RAB22A: variants seen among roughly 807,000 people sequenced by gnomAD.
RAB22A encodes the protein ras-related protein Rab-22A.
RAB22A carries 13 observed loss-of-function variants against 30.2 expected under a neutral mutation model. The observed-to-expected ratio is 0.43, with a 90% CI of 0.28 to 0.68. The LOEUF is 0.68. RAB22A is among the 30% of genes least tolerant of loss of function. The probability of loss-of-function intolerance (pLI) is 0.18; values close to 1 mark genes in which losing one functional copy is unlikely to be tolerated. For synonymous variants in RAB22A, 89 were observed against 87.2 expected (o/e 1.02, Z -0.11); for missense variants, 177 against 246.8 (o/e 0.72, Z 1.89).
At chr20:58,337,424 C>T (rs2122952512) in intron 2 of RAB22A, among the ~76,000 whole-genome samples, 1 of 152,322 alleles carries the variant, frequency 6.6e-6, no homozygotes, top group South Asian at 2.1e-4. Flanking sequence ...TCAATTTAAT[C>T]ACATCGGGCA....
chr20:58,342,804 G>A (rs1179960249), intron 2 of RAB22A, among the ~76,000 whole-genome samples: 2 of 152,122 alleles, frequency 1.3e-5, no homozygotes, highest in Non-Finnish European at 2.9e-5. Flanking sequence ...CTGCCCTCTG[G>A]GTGAGGGGGG....
chr20:58,353,937 TCATTC>T (rs1600742021), intron 5 of RAB22A, among the ~76,000 whole-genome samples: 1 of 152,220 alleles, frequency 6.6e-6, no homozygotes, highest in East Asian at 1.9e-4. Context: ...CCATCCCTAA[TCATTC>T]CATTAGCTAC....
intron 2 of RAB22A, among the ~76,000 whole-genome samples, chr20:58,316,813 C>G (rs1986349443): frequency 6.6e-6 from 1 of 152,154 alleles, no homozygotes; most frequent in South Asian, 2.1e-4. Context: ...CCTCCTCTTT[C>G]CATGGACCTT....
intron 2 of RAB22A, among the ~76,000 whole-genome samples, chr20:58,312,549 C>T (rs1487042405): frequency 5.0e-5 from 6 of 119,540 alleles, no homozygotes; most frequent in African/African-American, 2.0e-4. Context: ...AGTGCAGTGG[C>T]GCGATCTTGG....
intron 6 of RAB22A, 133 bp from the exon 7 acceptor site, chr20:58,359,473 C>T (rs991017262): frequency 4.2e-5 from 24 of 569,712 alleles, no homozygotes; most frequent in African/African-American, 5.8e-5. Context: ...TAAAATTATT[C>T]GAGTATAAAA....
chr20:58,318,087 C>T (rs1208558641), intron 2 of RAB22A, among the ~76,000 whole-genome samples: 3 of 152,056 alleles, frequency 2.0e-5, no homozygotes, highest in African/African-American at 4.8e-5. Context: ...AGGCTGGTCT[C>T]GAACTCTTCA....
chr20:58,359,633 A>G lies in RAB22A; in HGVS notation c.515A>G (p.Asn172Ser), dbSNP rs758004017. ...ISRRIPSTDA[N>S]LPSGGKGFKL... ...CGAAGAATTCCATCCACTGACGCCA[A>G]CCTGCCATCTGGCGGTAAGGGCTTC... The change falls in exon 7 of 7, where the codon AAC (asparagine) becomes AGC (serine). Residue 172 changes from asparagine to serine, a missense_variant. By Grantham distance (46) the Asn-to-Ser change is conservative (BLOSUM62 1). Transcript: ENST00000244040. 6.2e-7 allele frequency: 1 copy of G among 1,612,270 alleles called. No homozygotes were observed. The highest frequency in any genetic ancestry group is 8.5e-7 in the Non-Finnish European group (1 of 1,178,642).
chr20:58,319,356 T>C (rs1272576760), intron 2 of RAB22A, among the ~76,000 whole-genome samples: 1 of 152,194 alleles, frequency 6.6e-6, no homozygotes, highest in Non-Finnish European at 1.5e-5. Context: ...TTGGCACCTA[T>C]GAGTTTATAT....
chr20:58,321,477 T>C (rs1306367050), intron 2 of RAB22A, among the ~76,000 whole-genome samples: 1 of 152,228 alleles, frequency 6.6e-6, no homozygotes, highest in Non-Finnish European at 1.5e-5. Flanking sequence ...GAATGTTCCA[T>C]GTGCACTAGT....
rs114084267 is a variant in RAB22A at position 58,336,810 on chromosome 20, C to A, written c.117-6908C>A. Among the ~76,000 whole-genome samples the A allele has an allele frequency of 6.9e-3, 1,051 of 152,272 alleles. 11 individuals carry two copies. The highest frequency in any genetic ancestry group is 0.022 in the African/African-American group (901 of 41,562). On this transcript the variant is annotated intron_variant, in intron 2 of 6. Transcript: ENST00000244040. ...CTGGCTTACAAGGAACAGGGCCTCA[C>A]ACCAAGGAGGCACTTGTTACCAGCC...
chr20:58,353,170 A>G (rs1224578470), intron 3 of RAB22A, 103 bp from the exon 4 acceptor site: 2 of 1,104,840 alleles, frequency 1.8e-6, no homozygotes, highest in African/African-American at 3.2e-5. Flanking sequence ...TTGGCTTAAG[A>G]GAAAGATTAC....
At chr20:58,326,534 T>A (rs1190877936) in intron 2 of RAB22A, among the ~76,000 whole-genome samples, 1 of 136,790 alleles carries the variant, frequency 7.3e-6, no homozygotes, top group Non-Finnish European at 1.7e-5. Context: ...GATATTCTCT[T>A]ATATGGATAG....
intron 2 of RAB22A, among the ~76,000 whole-genome samples, chr20:58,332,103 A>G (rs77249921): frequency 0.015 from 2,321 of 152,332 alleles, 26 homozygotes; most frequent in Non-Finnish European, 0.02. Context: ...ACAATCCACT[A>G]TGCTTTCCAA....
intron 5 of RAB22A, 78 bp from the exon 6 acceptor site, chr20:58,354,078 G>GGTTAACTACTGGGTA (rs1204792139): frequency 1.0e-6 from 1 of 964,074 alleles, no homozygotes; most frequent in Non-Finnish European, 1.6e-6. Context: ...TCATAAATCT[G>GGTTAACTACTGGGTA]GTTAACTACT....
chr20:58,320,377 G>A (rs1257854263), intron 2 of RAB22A, among the ~76,000 whole-genome samples: 4 of 151,914 alleles, frequency 2.6e-5, no homozygotes, highest in Non-Finnish European at 5.9e-5. Flanking sequence ...TTAATTTATT[G>A]GCATAAAGTT....
At chr20:58,353,164 CT>C in intron 3 of RAB22A, 108 bp from the exon 4 acceptor site, 1 of 1,052,054 alleles carries the variant, frequency 9.5e-7, no homozygotes, top group Non-Finnish European at 1.4e-6. Flanking sequence ...ATTTTCTTGG[CT>C]TAAGAGAAAG....
At position 58,366,472 on chromosome 20, in the gene RAB22A, G is replaced by T. The variant is rs1987319059; in HGVS notation, c.*6769G>T. The stretch of plus-strand genomic sequence containing the variant: ...TATTTGAAAACAGCTAGAAGAATAA[G>T]AATATTCCCAACACAAAGAAAAGAT... On this transcript the variant is annotated 3_prime_UTR_variant, in exon 7 of 7. Transcript: ENST00000244040. The T allele has an allele frequency of 6.6e-6, 1 of 150,544 alleles. No homozygotes were observed. The highest frequency in any genetic ancestry group is 2.4e-5 in the African/African-American group (1 of 41,020). 9.3% of individuals were successfully genotyped at this position (150,544 alleles called of 1,614,324 possible). A position where few individuals can be genotyped will look rare whatever the true frequency, so the allele number is the denominator to read the frequency against.
chr20:58,334,135 AC>A (rs1369899877), intron 2 of RAB22A, among the ~76,000 whole-genome samples: 2 of 152,014 alleles, frequency 1.3e-5, no homozygotes, highest in Non-Finnish European at 2.9e-5. Context: ...GTTTGAGACC[AC>A]CCTGGCCAAC....
chr20:58,349,276 C>G (rs1482826862), intron 3 of RAB22A, among the ~76,000 whole-genome samples: 1 of 152,216 alleles, frequency 6.6e-6, no homozygotes, highest in Non-Finnish European at 1.5e-5. Context: ...TGTGTAAGAT[C>G]CACATTTTTA....
Sources: allele counts gnomAD v4.1 joint callset (sites outside exome capture counted in the v4.1 genomes callset), GRCh38; gene constraint gnomAD v4.1.1; transcripts MANE v1.5; gene names NCBI Gene and HGNC (gene_info 2026-07-23, HGNC 2026-07-21).